The following FUBP3 variants were observed in gnomAD, a reference collection of about 807,000 sequenced individuals.
FUBP3 encodes the protein far upstream element-binding protein 3.
Under a neutral mutation model 85.6 loss-of-function variants are expected in FUBP3, and 28 were observed. The observed-to-expected ratio is 0.33, with a 90% confidence interval of 0.24 to 0.45. The LOEUF is 0.45. FUBP3 is among the 20% of genes least tolerant of loss of function. The probability of loss-of-function intolerance (pLI) is 1.00; values close to 1 mark genes in which losing one functional copy is unlikely to be tolerated. For synonymous variants in FUBP3, 271 were observed against 271.4 expected (o/e 1.00, Z 0.01); for missense variants, 583 against 755.1 (o/e 0.77, Z 2.67).
At position 130,634,404 on chromosome 9, in the gene FUBP3, C is replaced by T. The variant is rs116892879; in HGVS notation, c.1511-263C>T. ...GCCTCAGAACAGCAGTGGCTGTGGC[C>T]GTCAAGCTTGCGTCTCCATCTGAAG... On this transcript the variant is annotated intron_variant, in intron 16 of 18. Coordinates refer to ENST00000319725, the MANE Select transcript of FUBP3 (RefSeq NM_003934.2). Among the ~76,000 whole-genome samples the T allele has an allele frequency of 7.6e-3, 1,158 of 152,334 alleles. 11 individuals are homozygous for T. Among genetic ancestry groups the T allele is most frequent in the Non-Finnish European group, 0.013 (866 of 68,026 alleles).
At chr9:130,597,740 C>A (rs888833410) in intron 2 of FUBP3, among the ~76,000 whole-genome samples, 8 of 152,140 alleles carry the variant, frequency 5.3e-5, no homozygotes, top group African/African-American at 1.9e-4. Context: ...GAGAAAAAAA[C>A]AATATGTGTA....
intron 5 of FUBP3, among the ~76,000 whole-genome samples, 155 bp from the exon 6 acceptor site, chr9:130,614,133 T>A (rs538160043): frequency 2.0e-5 from 3 of 152,354 alleles, no homozygotes; most frequent in African/African-American, 7.2e-5. Context: ...ACCAGCTTAA[T>A]ATTCTGTCCA....
intron 1 of FUBP3, among the ~76,000 whole-genome samples, chr9:130,589,938 A>G (rs1456987814): frequency 6.7e-6 from 1 of 148,986 alleles, no homozygotes; most frequent in African/African-American, 2.5e-5. Context: ...GCTGATGTCA[A>G]ACTTTGGGCT....
chr9:130,626,536 C>A (rs772229647), intron 12 of FUBP3, 31 bp downstream of exon 12: 1 of 1,607,122 alleles, frequency 6.2e-7, no homozygotes, highest in East Asian at 2.2e-5. Flanking sequence ...CACATCCCCC[C>A]TCAGCTGTTT....
chr9:130,632,877 C>G (rs979765677), intron 16 of FUBP3, among the ~76,000 whole-genome samples: 1 of 152,280 alleles, frequency 6.6e-6, no homozygotes, highest in Admixed American at 6.5e-5. Flanking sequence ...CAGAGCTGGT[C>G]TAGCCCCTCT....
chr9:130,606,112 G>A (rs150965518), intron 2 of FUBP3, among the ~76,000 whole-genome samples: 4 of 152,196 alleles, frequency 2.6e-5, no homozygotes, highest in Non-Finnish European at 4.4e-5. Flanking sequence ...AACTCAGCAT[G>A]TCAGTGTTTT....
rs575413684 is a variant in FUBP3, at chr9:130,606,789, C to T, written c.191-3165C>T. ...AAGCCGAGATCACGCCTTTGCACTCCAGCCTGGGCAAGAAGAGCGAGACTC... is the reference window on the plus strand; with the variant it reads ...AAGCCGAGATCACGCCTTTGCACTCTAGCCTGGGCAAGAAGAGCGAGACTC... On this transcript the variant is annotated intron_variant, in intron 2 of 18. Transcript: ENST00000319725. 3.3e-5 allele frequency among the ~76,000 whole-genome samples: 5 copies of T among 151,804 alleles called. No homozygotes were observed. In the South Asian group the frequency reaches 8.3e-4, roughly 25 times the overall value.
chr9:130,581,783 A>G (rs1430198363), intron 1 of FUBP3: 1 of 152,244 alleles, frequency 6.6e-6, no homozygotes, highest in Non-Finnish European at 1.5e-5. Flanking sequence ...CTCCAGAGAC[A>G]GTCTGGAAGG....
chr9:130,622,786 G>C lies in FUBP3; in HGVS notation c.850G>C (p.Gly284Arg), dbSNP rs762322895. The C allele has an allele frequency of 6.3e-7, 1 of 1,579,372 alleles. No individual in the cohort carries two copies. The highest frequency in any genetic ancestry group is 2.3e-5 in the East Asian group (1 of 44,372). ...GATCAAAAAGATCCAGAATGATGCT[G>C]GTGTGAGGATTCAGTTTAAACCAGG... ...EMIKKIQNDAGVRIQFKPDDG... is the reference protein window; with the variant it reads ...EMIKKIQNDARVRIQFKPDDG... The change falls in exon 10 of 19, where the codon GGT (glycine) becomes CGT (arginine). Residue 284 changes from glycine to arginine, a missense_variant. Gly to Arg is a moderately radical substitution (Grantham distance 125, BLOSUM62 -2). Coordinates refer to ENST00000319725, the MANE Select transcript of FUBP3 (RefSeq NM_003934.2).
At position 130,632,237 on chromosome 9, in the gene FUBP3, G is replaced by A; in HGVS notation, c.1469G>A (p.Ser490Asn). 5 of 1,614,020 alleles carry A rather than the reference G, an allele frequency of 3.1e-6. No homozygotes were observed. The highest frequency in any genetic ancestry group is 4.2e-6 in the Non-Finnish European group (5 of 1,179,938). The part of the protein sequence containing the change: ...PPAFLTQGWG[S>N]TYQAWQQPTQ... ...GCCTTTCTGACCCAGGGCTGGGGCA[G>A]CACCTACCAGGCGTGGCAGCAGCCC... Residue 490 changes from serine to asparagine, a missense_variant, in exon 16 of 19, where the codon AGC becomes AAC. Physicochemically the swap from Ser to Asn is conservative, Grantham distance 46. Around this residue, in one of 3 missense-constraint regions of FUBP3, gnomAD observed 404 missense variants for 516.8 expected, o/e 0.78. Coordinates refer to ENST00000319725, the MANE Select transcript of FUBP3 (RefSeq NM_003934.2).
rs750974184 is a variant in FUBP3 at position 130,626,469 on chromosome 9, G to C, written c.1081G>C (p.Val361Leu). 2.5e-6 allele frequency: 4 copies of C among 1,614,150 alleles called. No homozygotes were observed. The highest frequency in any genetic ancestry group is 2.5e-6 in the Non-Finnish European group (3 of 1,180,018). ...PGGVQEITYT[V>L]PADKCGLVIG... ...TGGCGTCCAGGAGATAACATACACG[G>C]TGCCAGCCGATAAGTGTGGCCTCGT... Residue 361 changes from valine to leucine, a missense_variant, in exon 12 of 19, where the codon GTG becomes CTG. Physicochemically the swap from Val to Leu is conservative, Grantham distance 32. Around this residue, in one of 3 missense-constraint regions of FUBP3, gnomAD observed 404 missense variants for 516.8 expected, o/e 0.78. Coordinates refer to ENST00000319725, the MANE Select transcript of FUBP3 (RefSeq NM_003934.2).
At chr9:130,594,855 C>T (rs1476684631) in intron 1 of FUBP3, among the ~76,000 whole-genome samples, 2 of 142,690 alleles carry the variant, frequency 1.4e-5, no homozygotes, top group Non-Finnish European at 3.0e-5. Context: ...GAAAGTTCTT[C>T]AATTGTTGGC....
chr9:130,611,252 A>G (rs987841486), intron 3 of FUBP3, among the ~76,000 whole-genome samples: 4 of 152,206 alleles, frequency 2.6e-5, no homozygotes, highest in African/African-American at 4.8e-5. Flanking sequence ...CCACACGCAC[A>G]AGAGCCCTGT....
chr9:130,630,707 C>G lies in FUBP3; in HGVS notation c.1197C>G (p.Asp399Glu), dbSNP rs1830176092. ...AGAGGAACCCCCCTCCCAACAGCGA[C>G]CCCAACCTGCGGAGATTCACCATCA... Reference protein sequence around the residue: ...ELQRNPPPNSDPNLRRFTIRG... With the variant: ...ELQRNPPPNSEPNLRRFTIRG... The change falls in exon 13 of 19, where the codon GAC becomes GAG. Residue 399 changes from aspartate to glutamate, a missense_variant. By Grantham distance (45) the Asp-to-Glu change is conservative (BLOSUM62 2). Transcript: ENST00000319725. 1 of 1,592,830 alleles carries G rather than the reference C, an allele frequency of 6.3e-7. No homozygotes were observed. Among genetic ancestry groups the G allele is most frequent in the African/African-American group, 1.4e-5 (1 of 73,364 alleles).
chr9:130,620,262 AG>A (rs1829692535), intron 8 of FUBP3, 91 bp from the exon 9 acceptor site: 1 of 729,274 alleles, frequency 1.4e-6, no homozygotes, highest in Non-Finnish European at 2.3e-6. Flanking sequence ...TTTAAACCCA[AG>A]TTAAGAGGGT....
rs1829971254 is a variant in FUBP3 at position 130,626,347 on chromosome 9, C to T, written c.976-17C>T. ...GTGGCAGTGGCAGAGGTCGCTACAG[C>T]CCTGTGATCTTTCCAGGAAAGAGAC... On this transcript the variant is annotated splice_polypyrimidine_tract_variant and intron_variant, in intron 11 of 18. Coordinates refer to ENST00000319725, the MANE Select transcript of FUBP3 (RefSeq NM_003934.2). 6.2e-7 allele frequency: 1 copy of T among 1,607,218 alleles called. No homozygotes were observed. The highest frequency in any genetic ancestry group is 8.5e-7 in the Non-Finnish European group (1 of 1,176,934).
At chr9:130,588,097 T>C (rs767681022) in intron 1 of FUBP3, among the ~76,000 whole-genome samples, 11 of 152,180 alleles carry the variant, frequency 7.2e-5, no homozygotes, top group Non-Finnish European at 1.3e-4. Context: ...TTGTGCTGGG[T>C]GCCAGGCAAG....
intron 16 of FUBP3, among the ~76,000 whole-genome samples, chr9:130,634,052 G>A (rs1830319282): frequency 6.6e-6 from 1 of 152,194 alleles, no homozygotes; most frequent in Non-Finnish European, 1.5e-5. Context: ...GCAGGGTGCT[G>A]AGGCTCTGTT....
At chr9:130,589,705 A>ATATATTTTTTTTTTTTTTT (rs1414691549) in intron 1 of FUBP3, among the ~76,000 whole-genome samples, 1 of 73,858 alleles carries the variant, frequency 1.4e-5, no homozygotes, top group African/African-American at 7.7e-5. Context: ...ATATATATAT[A>ATATATTTTTTTTTTTTTTT]TTTTTTTTTT....
Sources: allele counts gnomAD v4.1 joint callset (sites outside exome capture counted in the v4.1 genomes callset), GRCh38; gene constraint gnomAD v4.1.1; regional missense constraint gnomAD v4.1.1; transcripts MANE v1.5; gene names NCBI Gene and HGNC (gene_info 2026-07-23, HGNC 2026-07-21).